Variants in PRKG1 observed in about 807,000 individuals in gnomAD.
The protein encoded by PRKG1 is protein kinase cGMP-dependent 1, also known as cGMP-dependent protein kinase 1.
Under a neutral mutation model 88.1 loss-of-function variants are expected in PRKG1, and 35 were observed. The observed-to-expected ratio is 0.40, with a 90% CI of 0.30 to 0.53. The LOEUF is 0.53. PRKG1 is among the 20% of genes least tolerant of loss of function. The pLI is 0.59. For missense variants in PRKG1, 540 were observed against 839.8 expected (o/e 0.64, Z 4.41); for synonymous variants, 303 against 292.5 (o/e 1.04, Z -0.37).
At chr10:51,825,254 C>G (rs949496822) in intron 4 of PRKG1, among the ~76,000 whole-genome samples, 1 of 152,128 alleles carries the variant, frequency 6.6e-6, no homozygotes. Flanking sequence ...TAGAGACCAA[C>G]TAAGTATTTT....
intron 3 of PRKG1, among the ~76,000 whole-genome samples, chr10:51,791,898 G>A (rs905103876): frequency 6.6e-6 from 1 of 152,116 alleles, no homozygotes; most frequent in Admixed American, 6.6e-5. Flanking sequence ...TGGAAACTAT[G>A]CATTCAGTCC....
At chr10:51,189,397 G>A (rs1837576378) in intron 2 of PRKG1, among the ~76,000 whole-genome samples, 1 of 151,794 alleles carries the variant, frequency 6.6e-6, no homozygotes, top group Non-Finnish European at 1.5e-5. Context: ...GAAACAGTAA[G>A]GTTTGTAGGC....
intron 3 of PRKG1, among the ~76,000 whole-genome samples, chr10:51,728,183 T>C (rs1436934850): frequency 6.6e-6 from 1 of 152,070 alleles, no homozygotes; most frequent in Non-Finnish European, 1.5e-5. Flanking sequence ...TTCAGAAATA[T>C]ATTAAATTTG....
intron 2 of PRKG1, among the ~76,000 whole-genome samples, chr10:51,325,536 G>A (rs190339336): frequency 6.6e-6 from 1 of 152,158 alleles, no homozygotes; most frequent in African/African-American, 2.4e-5. Flanking sequence ...CAGATGGATA[G>A]TTTACAAATA....
At chr10:51,780,665 G>T (rs1257266988) in intron 3 of PRKG1, among the ~76,000 whole-genome samples, 1 of 152,066 alleles carries the variant, frequency 6.6e-6, no homozygotes, top group African/African-American at 2.4e-5. Context: ...ATCCATGATT[G>T]ACTTGGTTTG....
intron 1 of PRKG1, among the ~76,000 whole-genome samples, chr10:51,144,491 A>G (rs1845893536): frequency 6.6e-6 from 1 of 152,102 alleles, no homozygotes; most frequent in Non-Finnish European, 1.5e-5. Context: ...AATTATGAAT[A>G]GTGGTAATAA....
At chr10:51,796,600 A>G (rs1839018325) in intron 3 of PRKG1, among the ~76,000 whole-genome samples, 2 of 152,106 alleles carry the variant, frequency 1.3e-5, no homozygotes, top group Admixed American at 1.3e-4. Flanking sequence ...AAGGGAAAAA[A>G]TATTTAAAAG....
chr10:51,848,705 C>T (rs909544596), intron 4 of PRKG1, among the ~76,000 whole-genome samples: 6 of 151,658 alleles, frequency 4.0e-5, no homozygotes, highest in South Asian at 4.2e-4. Flanking sequence ...TAAGATCTCA[C>T]GATATTGCCC....
chr10:51,214,189 C>T (rs1425898662), intron 2 of PRKG1, among the ~76,000 whole-genome samples: 1 of 152,110 alleles, frequency 6.6e-6, no homozygotes, highest in Non-Finnish European at 1.5e-5. Context: ...ATATATGTCA[C>T]CTATGTACAC....
intron 2 of PRKG1, among the ~76,000 whole-genome samples, chr10:51,257,165 G>A (rs114378534): frequency 2.8e-5 from 4 of 141,620 alleles, no homozygotes; most frequent in African/African-American, 1.1e-4. Flanking sequence ...TTCAGAGAAG[G>A]GTTTTTTTTT....
At chr10:52,017,775 G>A (rs925437503) in intron 5 of PRKG1, among the ~76,000 whole-genome samples, 10 of 151,942 alleles carry the variant, frequency 6.6e-5, no homozygotes, top group Non-Finnish European at 7.4e-5. Flanking sequence ...ATGTTTCCCG[G>A]GATTCTAGAC....
intron 1 of PRKG1, among the ~76,000 whole-genome samples, chr10:51,097,603 TC>T (rs1288513323): frequency 6.6e-6 from 1 of 152,144 alleles, no homozygotes; most frequent in Non-Finnish European, 1.5e-5. Context: ...TTGCTGTTAC[TC>T]CCATCTTCTT....
intron 8 of PRKG1, among the ~76,000 whole-genome samples, chr10:52,155,727 C>T (rs10824157): frequency 0.71 from 105,584 of 149,470 alleles, 38,579 homozygotes; most frequent in South Asian, 0.83. Context: ...AACCTATTGC[C>T]ATTGGACACA....
chr10:52,229,094 C>A (rs561492108), intron 9 of PRKG1, among the ~76,000 whole-genome samples: 1 of 150,926 alleles, frequency 6.6e-6, no homozygotes, highest in African/African-American at 2.4e-5. Context: ...ATTTTTTTTT[C>A]TGTTGTCATT....
chr10:52,190,465 C>T (rs1004860811), intron 9 of PRKG1, among the ~76,000 whole-genome samples: 2 of 152,044 alleles, frequency 1.3e-5, no homozygotes, highest in African/African-American at 4.8e-5. Context: ...GTGATAATGA[C>T]AATAATGGGT....
At chr10:52,289,117 C>T (rs1842184078) in intron 16 of PRKG1, 124 bp downstream of exon 16, 1 of 873,368 alleles carries the variant, frequency 1.1e-6, no homozygotes, top group African/African-American at 1.7e-5. Context: ...AGCGTATAAA[C>T]TAGTAAGGCT....
chr10:51,476,923 A>T (rs1411718031), intron 3 of PRKG1, among the ~76,000 whole-genome samples: 2 of 152,020 alleles, frequency 1.3e-5, no homozygotes, highest in African/African-American at 4.8e-5. Flanking sequence ...CCGCTTGGCT[A>T]TGTGTAGAAT....
chr10:51,799,256 T>C (rs74132430), intron 3 of PRKG1, among the ~76,000 whole-genome samples: 3,762 of 152,132 alleles, frequency 0.025, 164 homozygotes, highest in African/African-American at 0.085. Context: ...TGCCCCCCTC[T>C]TCATTGGCCT....
chr10:51,152,501 C>G (rs372558063), intron 1 of PRKG1, among the ~76,000 whole-genome samples: 1 of 152,022 alleles, frequency 6.6e-6, no homozygotes, highest in East Asian at 1.9e-4. Flanking sequence ...TTATCTCCCA[C>G]CATTTACTGA....
Sources: allele counts gnomAD v4.1 joint callset (sites outside exome capture counted in the v4.1 genomes callset), GRCh38; gene constraint gnomAD v4.1.1; transcripts MANE v1.5; gene names NCBI Gene and HGNC (gene_info 2026-07-23, HGNC 2026-07-21).